C7orf78: variants seen among roughly 807,000 people sequenced by gnomAD.
C7orf78 encodes putative uncharacterized protein C7orf78.
chr7:12,538,639 T>A, the C7orf78 span, among the ~76,000 whole-genome samples: 4 of 152,054 alleles, frequency 2.6e-5, no homozygotes, highest in Non-Finnish European at 4.4e-5. Flanking sequence ...GCCCACTACC[T>A]CTTACAGGTC....
chr7:12,495,630 T>C, the C7orf78 span, among the ~76,000 whole-genome samples: 3 of 152,198 alleles, frequency 2.0e-5, no homozygotes, highest in Non-Finnish European at 4.4e-5. Flanking sequence ...ACTTATTTTT[T>C]CCAAGTAAAG....
the C7orf78 span, among the ~76,000 whole-genome samples, chr7:12,511,744 G>GTTTTTGT: frequency 1.3e-5 from 2 of 151,020 alleles, no homozygotes; most frequent in African/African-American, 2.4e-5. Context: ...GTTTTTTTGG[G>GTTTTTGT]TTTTTGTTTT....
chr7:12,495,563 G>C, the C7orf78 span, among the ~76,000 whole-genome samples: 1 of 152,186 alleles, frequency 6.6e-6, no homozygotes, highest in Non-Finnish European at 1.5e-5. Context: ...CTTTGAAAGA[G>C]AAAGAGACAA....
the C7orf78 span, among the ~76,000 whole-genome samples, chr7:12,519,520 C>A: frequency 2.0e-5 from 3 of 152,218 alleles, no homozygotes; most frequent in African/African-American, 7.2e-5. Context: ...GTGGCAACAA[C>A]TGCTATGGCA....
the C7orf78 span, among the ~76,000 whole-genome samples, chr7:12,499,298 T>C: frequency 6.6e-6 from 1 of 151,952 alleles, no homozygotes; most frequent in Non-Finnish European, 1.5e-5. Context: ...GCAAATTGGA[T>C]AAAGAGTCAA....
the C7orf78 span, among the ~76,000 whole-genome samples, chr7:12,484,651 A>G: frequency 1.3e-5 from 2 of 152,214 alleles, no homozygotes; most frequent in African/African-American, 2.4e-5. Flanking sequence ...ACTTTTTGTG[A>G]TTACATGCAT....
chr7:12,526,155 T>G, the C7orf78 span, among the ~76,000 whole-genome samples: 2 of 152,122 alleles, frequency 1.3e-5, no homozygotes, highest in African/African-American at 2.4e-5. Flanking sequence ...AGTGTAATGC[T>G]TAAGGGAATA....
chr7:12,521,949 T>C, the C7orf78 span, among the ~76,000 whole-genome samples: 3 of 151,996 alleles, frequency 2.0e-5, no homozygotes, highest in Non-Finnish European at 2.9e-5. Context: ...GCATAGCCCT[T>C]TATAAAATAA....
the C7orf78 span, among the ~76,000 whole-genome samples, chr7:12,503,192 G>C: frequency 0.36 from 41,697 of 115,320 alleles, 9,264 homozygotes; most frequent in South Asian, 0.37. Context: ...ATGTAACTAA[G>C]CTGCACAATG....
chr7:12,511,441 T>C, the C7orf78 span, among the ~76,000 whole-genome samples: 1 of 152,218 alleles, frequency 6.6e-6, no homozygotes, highest in African/African-American at 2.4e-5. Context: ...AGGGATTCCA[T>C]TGACTTTGTA....
the C7orf78 span, among the ~76,000 whole-genome samples, chr7:12,537,942 A>G: frequency 6.6e-6 from 1 of 152,148 alleles, no homozygotes; most frequent in Non-Finnish European, 1.5e-5. Context: ...ATACTGCATT[A>G]TTATTCCATT....
At chr7:12,527,339 T>A in the C7orf78 span, among the ~76,000 whole-genome samples, 27 of 130,354 alleles carry the variant, frequency 2.1e-4, no homozygotes, top group African/African-American at 8.0e-4. Flanking sequence ...ATGTCAGCTT[T>A]CCTAGTATAT....
chr7:12,487,736 G>A, the C7orf78 span, among the ~76,000 whole-genome samples: 27,681 of 151,992 alleles, frequency 0.18, 2,939 homozygotes, highest in Middle Eastern at 0.26. Context: ...GCAAACAAAA[G>A]TATTTTCAAC....
the C7orf78 span, chr7:12,507,473 A>T: frequency 4.9e-6 from 1 of 205,964 alleles, no homozygotes; most frequent in East Asian, 1.1e-4. Flanking sequence ...TGGATTCTAC[A>T]TTAGATAGCA....
At chr7:12,512,950 T>G in the C7orf78 span, among the ~76,000 whole-genome samples, 1 of 152,146 alleles carries the variant, frequency 6.6e-6, no homozygotes, top group Non-Finnish European at 1.5e-5. Flanking sequence ...TTTTTCACTT[T>G]ATATGCATAT....
chr7:12,519,423 GCA>G, the C7orf78 span, among the ~76,000 whole-genome samples: 1 of 152,114 alleles, frequency 6.6e-6, no homozygotes, highest in African/African-American at 2.4e-5. Flanking sequence ...ATAAATCCTA[GCA>G]CAGAGTCCAC....
At chr7:12,491,070 C>T in the C7orf78 span, 1 of 152,062 alleles carries the variant, frequency 6.6e-6, no homozygotes, top group Non-Finnish European at 1.5e-5. Flanking sequence ...CAAGGAAAAG[C>T]TAAGACTTGT....
the C7orf78 span, among the ~76,000 whole-genome samples, chr7:12,489,831 G>T: frequency 6.6e-6 from 1 of 151,848 alleles, no homozygotes; most frequent in Non-Finnish European, 1.5e-5. Context: ...TAGAAGATGG[G>T]TGGGGAAGTA....
the C7orf78 span, among the ~76,000 whole-genome samples, chr7:12,533,288 C>T: frequency 6.6e-6 from 1 of 152,074 alleles, no homozygotes; most frequent in East Asian, 1.9e-4. Context: ...GCAACTTTCA[C>T]CTCCCAGGTT....
Sources: allele counts gnomAD v4.1 joint callset (sites outside exome capture counted in the v4.1 genomes callset), GRCh38; gene constraint gnomAD v4.1.1; transcripts MANE v1.5; gene names NCBI Gene and HGNC (gene_info 2026-07-23, HGNC 2026-07-21).